TRPS1: variants seen among roughly 807,000 people sequenced by gnomAD.
The protein encoded by TRPS1 is transcriptional repressor GATA binding 1, also known as zinc finger transcription factor Trps1.
In TRPS1, 6 loss-of-function variants were observed where a neutral mutation model predicts 101.2. The ratio of observed to expected loss-of-function variants is 0.06; its 90% CI spans 0.03 to 0.12. The LOEUF is 0.12. Among genes scored for constraint, TRPS1 ranks in the 10% least tolerant of loss-of-function variants. The pLI is 1.00. For missense variants in TRPS1, 1,363 were observed against 1,567.0 expected, an observed-to-expected ratio of 0.87 and a Z score of 2.20; for synonymous variants, 578 against 589.8, an observed-to-expected ratio of 0.98 and a Z score of 0.29.
intron 1 of TRPS1, among the ~76,000 whole-genome samples, chr8:115,638,057 C>T (rs988745799): frequency 2.0e-5 from 3 of 152,158 alleles, no homozygotes; most frequent in African/African-American, 7.2e-5. Flanking sequence ...TTGGTCAAAA[C>T]TCAGTGATGA....
At chr8:115,573,944 T>G (rs1817262843) in intron 5 of TRPS1, among the ~76,000 whole-genome samples, 1 of 152,188 alleles carries the variant, frequency 6.6e-6, no homozygotes, top group Non-Finnish European at 1.5e-5. Flanking sequence ...TTGGGACAAC[T>G]AAGTCGGTTT....
chr8:115,527,847 C>T (rs1057460643), intron 5 of TRPS1, among the ~76,000 whole-genome samples: 8 of 152,036 alleles, frequency 5.3e-5, no homozygotes, highest in Non-Finnish European at 2.9e-5. Context: ...AAAAATCGAA[C>T]GGTCATGGTT....
At chr8:115,547,860 G>T (rs570165783) in intron 5 of TRPS1, among the ~76,000 whole-genome samples, 1 of 152,244 alleles carries the variant, frequency 6.6e-6, no homozygotes, top group South Asian at 2.1e-4. Context: ...GTGCTGGGTT[G>T]TAAACACTAG....
intron 5 of TRPS1, among the ~76,000 whole-genome samples, chr8:115,430,976 G>T (rs1227905257): frequency 6.6e-6 from 1 of 151,848 alleles, no homozygotes; most frequent in Non-Finnish European, 1.5e-5. Context: ...CTAGGAGAAT[G>T]CTGTAAATGT....
rs117044978 is a variant in TRPS1, at chr8:115,521,888, A to C, written c.2700+65113T>G. 9.0e-3 allele frequency among the ~76,000 whole-genome samples: 1,375 copies of C among 152,052 alleles called. 10 individuals are homozygous for C. Among genetic ancestry groups the C allele is most frequent in the Non-Finnish European group, 0.013 (887 of 67,858 alleles). ...TTTTACCAATATTAAGTATATTCCA[A>C]GATTACAATTATTTTTTAAATAAAA... On this transcript the variant is annotated intron_variant, in intron 5 of 6. Coordinates refer to ENST00000395715, the MANE Select transcript of TRPS1 (RefSeq NM_014112.5).
intron 5 of TRPS1, among the ~76,000 whole-genome samples, chr8:115,510,184 A>C: frequency 6.6e-6 from 1 of 151,928 alleles, no homozygotes. Flanking sequence ...GCTCAATTCA[A>C]TCGTACATAT....
At chr8:115,662,303 T>C (rs1811820552) in intron 1 of TRPS1, among the ~76,000 whole-genome samples, 1 of 151,984 alleles carries the variant, frequency 6.6e-6, no homozygotes, top group South Asian at 2.1e-4. Flanking sequence ...TAATTTTCAC[T>C]ATATATATTA....
intron 5 of TRPS1, among the ~76,000 whole-genome samples, chr8:115,549,187 T>TA (rs1327143868): frequency 6.6e-6 from 1 of 152,150 alleles, no homozygotes; most frequent in Non-Finnish European, 1.5e-5. Context: ...ATAAATTCAT[T>TA]AAAAAATTGA....
chr8:115,638,477 C>A (rs966877886), intron 1 of TRPS1, among the ~76,000 whole-genome samples: 1 of 152,094 alleles, frequency 6.6e-6, no homozygotes, highest in African/African-American at 2.4e-5. Flanking sequence ...GCCAACACTG[C>A]CTTTAAGGCC....
chr8:115,658,435 T>C (rs1231444760), intron 1 of TRPS1, among the ~76,000 whole-genome samples: 2 of 152,154 alleles, frequency 1.3e-5, no homozygotes, highest in Admixed American at 6.5e-5. Context: ...CCGTTCCTTA[T>C]GTTATCATGG....
intron 5 of TRPS1, among the ~76,000 whole-genome samples, chr8:115,452,425 A>C (rs960379220): frequency 6.6e-6 from 1 of 152,206 alleles, no homozygotes; most frequent in African/African-American, 2.4e-5. Flanking sequence ...CACCAAACAA[A>C]AAAAAATATA....
At chr8:115,563,486 G>T (rs1816996347) in intron 5 of TRPS1, among the ~76,000 whole-genome samples, 1 of 152,090 alleles carries the variant, frequency 6.6e-6, no homozygotes, top group Non-Finnish European at 1.5e-5. Context: ...TCACTAAACC[G>T]ATGGTTAGCC....
intron 5 of TRPS1, among the ~76,000 whole-genome samples, chr8:115,502,234 T>C (rs575903732): frequency 6.6e-6 from 1 of 152,126 alleles, no homozygotes; most frequent in Non-Finnish European, 1.5e-5. Flanking sequence ...TTCTCTGAGT[T>C]ACAGTTTTGG....
At chr8:115,436,719 G>A (rs1467407593) in intron 5 of TRPS1, among the ~76,000 whole-genome samples, 1 of 152,064 alleles carries the variant, frequency 6.6e-6, no homozygotes, top group Admixed American at 6.5e-5. Flanking sequence ...TTGTCAAAAT[G>A]CAGATTTTTA....
At chr8:115,570,375 T>C (rs556283410) in intron 5 of TRPS1, among the ~76,000 whole-genome samples, 3 of 152,084 alleles carry the variant, frequency 2.0e-5, no homozygotes, top group South Asian at 2.1e-4. Flanking sequence ...GGCAGTCTCA[T>C]ACAGCAAATA....
chr8:115,590,974 C>A (rs1045013021), intron 4 of TRPS1, among the ~76,000 whole-genome samples: 2 of 150,788 alleles, frequency 1.3e-5, no homozygotes, highest in Non-Finnish European at 3.0e-5. Context: ...AAAAAAAAAA[C>A]ATTTTTAAAA....
At chr8:115,430,995 T>A (rs1043381085) in intron 5 of TRPS1, among the ~76,000 whole-genome samples, 3 of 152,008 alleles carry the variant, frequency 2.0e-5, no homozygotes, top group Admixed American at 1.3e-4. Flanking sequence ...GTCAGCCTTA[T>A]AATTATTTAC....
At chr8:115,605,609 A>C (rs1023827177) in intron 3 of TRPS1, among the ~76,000 whole-genome samples, 1 of 152,224 alleles carries the variant, frequency 6.6e-6, no homozygotes, top group African/African-American at 2.4e-5. Context: ...TATGCAGGAA[A>C]TACTAGCAAA....
intron 5 of TRPS1, among the ~76,000 whole-genome samples, chr8:115,441,456 T>C (rs898023718): frequency 4.6e-5 from 7 of 152,230 alleles, no homozygotes; most frequent in African/African-American, 1.4e-4. Flanking sequence ...CTGAAAGTTT[T>C]CCATTTAAAT....
Sources: allele counts gnomAD v4.1 joint callset (sites outside exome capture counted in the v4.1 genomes callset), GRCh38; gene constraint gnomAD v4.1.1; transcripts MANE v1.5; gene names NCBI Gene and HGNC (gene_info 2026-07-23, HGNC 2026-07-21).